The following COL19A1 variants were observed in gnomAD, a reference collection of about 807,000 sequenced individuals.
COL19A1 encodes collagen type XIX alpha 1 chain, also known as collagen alpha-1(XIX) chain.
A neutral mutation model predicts 190.2 loss-of-function variants in COL19A1; 159 were observed. That is an observed-to-expected ratio of 0.84 (90% CI 0.73 to 0.95). The LOEUF (loss-of-function observed/expected upper bound fraction) is 0.95. Among genes scored for constraint, COL19A1 ranks in the 40% least tolerant of loss-of-function variants. COL19A1 has a pLI of 0.00. For synonymous variants in COL19A1, 509 were observed against 458.9 expected, an observed-to-expected ratio of 1.11 and a Z score of -1.39; for missense variants, 1,418 against 1,431.9, an observed-to-expected ratio of 0.99 and a Z score of 0.16.
At chr6:70,021,905 A>G (rs996603835) in intron 11 of COL19A1, among the ~76,000 whole-genome samples, 3 of 152,192 alleles carry the variant, frequency 2.0e-5, no homozygotes, top group Non-Finnish European at 1.5e-5. Flanking sequence ...TAAAATCCTC[A>G]GCTTTATTTT....
rs545336314 is a variant in COL19A1 at position 70,006,295 on chromosome 6, G to A, written c.1027-17332G>A. Among the ~76,000 whole-genome samples the A allele has an allele frequency of 6.6e-5, 10 of 152,280 alleles. No individual in the cohort carries two copies. In the East Asian group the frequency reaches 1.4e-3, roughly 21 times the overall value. ...CTAAGCTCTGGTGGTGTGAGTTTGC[G>A]AGTGGGATTTTCCCATCCATGGGTT... On this transcript the variant is annotated intron_variant, in intron 11 of 50. Transcript: ENST00000620364.
At chr6:70,044,308 T>C (rs1483348173) in intron 14 of COL19A1, among the ~76,000 whole-genome samples, 1 of 152,218 alleles carries the variant, frequency 6.6e-6, no homozygotes, top group Non-Finnish European at 1.5e-5. Context: ...TTTGCTTTCT[T>C]ATCATTTGTG....
intron 47 of COL19A1, among the ~76,000 whole-genome samples, chr6:70,188,682 G>C (rs1177057903): frequency 1.4e-5 from 2 of 140,696 alleles, no homozygotes; most frequent in Admixed American, 6.9e-5. Flanking sequence ...ACTCTATTTT[G>C]TTGAATATCA....
chr6:69,905,571 A>G (rs1052394260), intron 4 of COL19A1, among the ~76,000 whole-genome samples: 11 of 152,298 alleles, frequency 7.2e-5, no homozygotes, highest in Middle Eastern at 3.4e-3. Context: ...TATACCTTTC[A>G]CAGACAATAG....
chr6:70,039,760 GTT>G (rs61548544), intron 14 of COL19A1, among the ~76,000 whole-genome samples: 1,635 of 139,814 alleles, frequency 0.012, 25 homozygotes, highest in African/African-American at 0.041. Flanking sequence ...GGGAAGTATT[GTT>G]TTTTTTTTTT....
intron 5 of COL19A1, 53 bp from the exon 6 acceptor site, chr6:69,929,372 T>C (rs1772602651): frequency 1.3e-6 from 2 of 1,540,294 alleles, no homozygotes; most frequent in Admixed American, 1.9e-5. Context: ...TGTGCTTTAA[T>C]AATTTTGAAC....
At chr6:69,907,150 C>CGG (rs1770612383) in intron 4 of COL19A1, among the ~76,000 whole-genome samples, 2 of 118,568 alleles carry the variant, frequency 1.7e-5, no homozygotes, top group Admixed American at 2.1e-4. Flanking sequence ...TCCAAAAAAA[C>CGG]AGAGTCTCCA....
chr6:70,095,436 G>C (rs1303347586), intron 15 of COL19A1, among the ~76,000 whole-genome samples: 1 of 152,130 alleles, frequency 6.6e-6, no homozygotes, highest in Admixed American at 6.6e-5. Context: ...ATTGGAGAGA[G>C]GGTAGTAGAA....
chr6:69,876,467 T>A (rs900678474), intron 1 of COL19A1, among the ~76,000 whole-genome samples: 1 of 152,156 alleles, frequency 6.6e-6, no homozygotes, highest in Non-Finnish European at 1.5e-5. Context: ...CAATTATTGT[T>A]TATTAATATG....
At chr6:70,088,798 A>G (rs1782739217) in intron 15 of COL19A1, among the ~76,000 whole-genome samples, 1 of 152,148 alleles carries the variant, frequency 6.6e-6, no homozygotes, top group Non-Finnish European at 1.5e-5. Context: ...TATAATAAAC[A>G]CTTAATAAAT....
intron 12 of COL19A1, 107 bp downstream of exon 12, chr6:70,023,787 A>T (rs1778581634): frequency 4.4e-6 from 4 of 916,290 alleles, no homozygotes; most frequent in Admixed American, 5.7e-5. Flanking sequence ...GCCAGCCATG[A>T]TCCAACAAAA....
intron 6 of COL19A1, among the ~76,000 whole-genome samples, chr6:69,931,915 TATTATTATAAGATTA>T (rs1474801603): frequency 3.3e-5 from 5 of 152,062 alleles, no homozygotes; most frequent in East Asian, 1.9e-4. Context: ...GCCTGCTTTC[TATTATTATAAGATTA>T]ATTATTATAA....
chr6:70,193,852 G>T (rs1239976360), intron 48 of COL19A1, among the ~76,000 whole-genome samples: 3 of 151,948 alleles, frequency 2.0e-5, no homozygotes, highest in African/African-American at 2.4e-5. Context: ...TTTTTCCATG[G>T]CTTCTGAACA....
At chr6:70,032,703 A>C (rs1044851088) in intron 12 of COL19A1, among the ~76,000 whole-genome samples, 1 of 152,186 alleles carries the variant, frequency 6.6e-6, no homozygotes, top group Non-Finnish European at 1.5e-5. Context: ...CTCAATTCAG[A>C]GTAGTCACAT....
intron 9 of COL19A1, among the ~76,000 whole-genome samples, chr6:69,954,104 T>G (rs544102869): frequency 1.3e-5 from 2 of 152,134 alleles, no homozygotes; most frequent in Non-Finnish European, 2.9e-5. Flanking sequence ...CACAGATGAT[T>G]GGTATCTTTC....
chr6:70,019,053 C>G (rs1778274074), intron 11 of COL19A1, among the ~76,000 whole-genome samples: 2 of 152,106 alleles, frequency 1.3e-5, no homozygotes, highest in Admixed American at 1.3e-4. Context: ...TTTCTACCAC[C>G]AGCTTCAGCT....
At chr6:70,049,971 G>A (rs369437679) in intron 14 of COL19A1, among the ~76,000 whole-genome samples, 10 of 152,044 alleles carry the variant, frequency 6.6e-5, no homozygotes, top group African/African-American at 2.2e-4. Context: ...AAAAGGATTC[G>A]AATTATATTA....
At chr6:69,912,498 C>A (rs942173990) in intron 4 of COL19A1, among the ~76,000 whole-genome samples, 4 of 152,138 alleles carry the variant, frequency 2.6e-5, no homozygotes, top group African/African-American at 9.7e-5. Flanking sequence ...CTTATCAATG[C>A]GTGTTGCTAT....
chr6:70,176,386 C>T, intron 41 of COL19A1, 134 bp from the exon 42 acceptor site: 1 of 733,764 alleles, frequency 1.4e-6, no homozygotes, highest in Non-Finnish European at 2.1e-6. Context: ...TAGCTTCACC[C>T]CATCTAATAT....
Sources: allele counts gnomAD v4.1 joint callset (sites outside exome capture counted in the v4.1 genomes callset), GRCh38; gene constraint gnomAD v4.1.1; transcripts MANE v1.5; gene names NCBI Gene and HGNC (gene_info 2026-07-23, HGNC 2026-07-21).